Variants in TNRC6C observed in about 807,000 individuals in gnomAD.
The protein encoded by TNRC6C is trinucleotide repeat containing adaptor 6C.
In TNRC6C, 20 loss-of-function variants were observed where a neutral mutation model predicts 153.7. That is an observed-to-expected ratio of 0.13 (90% CI 0.09 to 0.19). The LOEUF (loss-of-function observed/expected upper bound fraction) is 0.19, where lower values mean the gene tolerates loss of function less well. TNRC6C is among the 10% of genes least tolerant of loss of function. The probability of loss-of-function intolerance (pLI) is 1.00; values close to 1 mark genes in which losing one functional copy is unlikely to be tolerated. For missense variants in TNRC6C, 1,987 were observed against 2,172.0 expected (o/e 0.91, Z 1.69); for synonymous variants, 811 against 841.4 (o/e 0.96, Z 0.63).
At chr17:78,091,771 A>G (rs1349879450) in intron 14 of TNRC6C, among the ~76,000 whole-genome samples, 164 bp downstream of exon 16, 1 of 152,342 alleles carries the variant, frequency 6.6e-6, no homozygotes, top group South Asian at 2.1e-4. Flanking sequence ...TCAGCTAGTC[A>G]CTGATCAAAC....
chr17:78,080,981 G>A (rs1007090830), intron 10 of TNRC6C, among the ~76,000 whole-genome samples: 19 of 152,168 alleles, frequency 1.2e-4, no homozygotes, highest in African/African-American at 4.3e-4. Flanking sequence ...TTGGGCTGCT[G>A]TAACAAAATA....
intron 7 of TNRC6C, among the ~76,000 whole-genome samples, chr17:78,074,876 A>G (rs1468999760): frequency 1.3e-5 from 2 of 152,210 alleles, no homozygotes; most frequent in Non-Finnish European, 2.9e-5. Flanking sequence ...GAGAGGATAG[A>G]GGGCGGCAGG....
rs1252708628 is a variant in TNRC6C, at chr17:78,049,513, T to C, written c.451T>C (p.Trp151Arg). 6.2e-7 allele frequency: 1 copy of C among 1,613,990 alleles called. No individual in the cohort carries two copies. ...GAACCCAACAGGCACTTTAGGTGCT[T>C]GGGGAAACTTGCTGCCACAAGAGAG... The change falls in exon 3 of 20, where the codon TGG (tryptophan) becomes CGG (arginine). Residue 151 changes from tryptophan (W) to arginine (R), a missense_variant. Around this residue, in one of 4 missense-constraint regions of TNRC6C, gnomAD observed 1,052 missense variants for 1,017.0 expected, o/e 1.03. Transcript: ENST00000301624. This position sits in a 1 kb window ranked among gnomAD's most constrained non-coding sequence, Gnocchi z 4.1.
intron 1 of TNRC6C, among the ~76,000 whole-genome samples, chr17:78,022,332 A>G (rs1013635471): frequency 3.9e-5 from 6 of 152,252 alleles, no homozygotes; most frequent in Admixed American, 3.3e-4. Context: ...ACAGGAAACC[A>G]TATTCCATAT....
chr17:78,050,522 C>T (rs1364968193), exon 3 of TNRC6C: 7 of 1,613,974 alleles, frequency 4.3e-6, no homozygotes, highest in Non-Finnish European at 5.1e-6. Flanking sequence ...ACTCAGGCTT[C>T]AAACTCAGGG....
At chr17:78,054,746 AGACTACTGTG>A (rs1296707524) in intron 3 of TNRC6C, among the ~76,000 whole-genome samples, 3 of 151,934 alleles carry the variant, frequency 2.0e-5, no homozygotes, top group African/African-American at 7.3e-5. Flanking sequence ...ACACTACTGG[AGACTACTGTG>A]GACTACTGTA....
intron 2 of TNRC6C, among the ~76,000 whole-genome samples, chr17:78,042,776 C>G (rs1598725312): frequency 6.6e-6 from 1 of 150,434 alleles, no homozygotes; most frequent in South Asian, 2.1e-4. Flanking sequence ...GGTGGTGGTG[C>G]TGATGGTGGT....
chr17:78,098,203 C>T, intron 16 of TNRC6C, 140 bp from the exon 20 acceptor site: 1 of 881,276 alleles, frequency 1.1e-6, no homozygotes, highest in Non-Finnish European at 1.7e-6. Context: ...TTGAGTTTGC[C>T]AGGGGCTTGA....
At chr17:78,070,261 A>G (rs1245217248) in intron 5 of TNRC6C, among the ~76,000 whole-genome samples, 1 of 152,238 alleles carries the variant, frequency 6.6e-6, no homozygotes, top group Admixed American at 6.5e-5. Context: ...GCAGCATAGT[A>G]ATGATTGAAA....
intron 3 of TNRC6C, among the ~76,000 whole-genome samples, chr17:78,051,830 G>T (rs2072543721): frequency 6.6e-6 from 1 of 152,180 alleles, no homozygotes; most frequent in Non-Finnish European, 1.5e-5. Flanking sequence ...CAGAACTTGG[G>T]CAAGTTGGCA....
At chr17:77,992,994 C>A (rs548515119) in intron 1 of TNRC6C, among the ~76,000 whole-genome samples, 7 of 151,856 alleles carry the variant, frequency 4.6e-5, no homozygotes, top group Non-Finnish European at 1.0e-4. Flanking sequence ...GAGATGGAGT[C>A]TCACTCTGTT....
chr17:78,096,364 C>A (rs1050439867), intron 16 of TNRC6C, among the ~76,000 whole-genome samples: 3 of 152,186 alleles, frequency 2.0e-5, no homozygotes, highest in Non-Finnish European at 2.9e-5. Context: ...ACCCCCACGA[C>A]GCACAGTTCA....
At chr17:78,000,628 C>A (rs866649534), upstream of TNRC6C, among the ~76,000 whole-genome samples, 5 of 70,132 alleles carry the variant, frequency 7.1e-5, no homozygotes, top group Admixed American at 2.4e-4. Flanking sequence ...GCCCCCCCCC[C>A]CCCACACACA....
intron 1 of TNRC6C, among the ~76,000 whole-genome samples, chr17:77,966,493 C>T (rs977609233): frequency 1.3e-5 from 2 of 151,842 alleles, no homozygotes; most frequent in African/African-American, 4.8e-5. Flanking sequence ...AGAATGAGTT[C>T]TAAGAGGCAT....
At chr17:78,026,072 G>C (rs1169122068) in intron 1 of TNRC6C, among the ~76,000 whole-genome samples, 1 of 151,096 alleles carries the variant, frequency 6.6e-6, no homozygotes, top group East Asian at 1.9e-4. Context: ...CCAAGTTTTT[G>C]AGGTCTCTAG....
chr17:78,073,205 G>A, intron 7 of TNRC6C, 111 bp downstream of exon 9: 7 of 876,046 alleles, frequency 8.0e-6, no homozygotes, highest in African/African-American at 3.4e-5. Flanking sequence ...GGGTAGACAG[G>A]ACCAGGCCAC....
chr17:77,959,686 C>G (rs922782165), intron 1 of TNRC6C, among the ~76,000 whole-genome samples: 1 of 152,110 alleles, frequency 6.6e-6, no homozygotes, highest in Admixed American at 6.6e-5. Flanking sequence ...AGAGAAAAAC[C>G]CGGGGCGTGC....
intron 1 of TNRC6C, among the ~76,000 whole-genome samples, chr17:77,977,210 G>A (rs9905167): frequency 0.082 from 12,445 of 151,934 alleles, 1,338 homozygotes; most frequent in African/African-American, 0.25. Context: ...AAACTTAGCT[G>A]TGTGTATTGA....
At chr17:78,051,054 A>G (rs2072520683) in exon 3 of TNRC6C, 1 of 1,611,152 alleles carries the variant, frequency 6.2e-7, no homozygotes, top group Admixed American at 1.7e-5. Flanking sequence ...CTGGCCCCCA[A>G]CAGAACTGGG....
Sources: allele counts gnomAD v4.1 joint callset (sites outside exome capture counted in the v4.1 genomes callset), GRCh38; gene constraint gnomAD v4.1.1; regional missense constraint gnomAD v4.1.1; non-coding constraint Gnocchi (gnomAD v3.1); transcripts MANE v1.5; gene names NCBI Gene and HGNC (gene_info 2026-07-23, HGNC 2026-07-21).